LNP1: variants seen among roughly 807,000 people sequenced by gnomAD.
The protein encoded by LNP1 is leukemia NUP98 fusion partner 1.
In LNP1, 12 loss-of-function variants were observed where a neutral mutation model predicts 14.5. That is an observed-to-expected ratio of 0.83 (90% CI 0.53 to 1.34). The LOEUF is 1.34. LNP1 is among the 40% of genes most tolerant of loss of function. The pLI, the probability that LNP1 is intolerant of heterozygous loss-of-function variation, is 0.00. For missense variants in LNP1, 198 were observed against 210.9 expected (o/e 0.94, Z 0.38); for synonymous variants, 75 against 71.4 (o/e 1.05, Z -0.26).
rs1707503664 is a variant in LNP1 at position 100,455,709 on chromosome 3, T to C, written c.388-68T>C. 4 of 1,457,990 alleles carry C rather than the reference T, an allele frequency of 2.7e-6. No homozygotes were observed. The Admixed American group carries it at 7.3e-5, about 27-fold the overall frequency. 90.3% of individuals were successfully genotyped at this position (1,457,990 alleles called of 1,614,324 possible). A position where few individuals can be genotyped will look rare whatever the true frequency, so the allele number is the denominator to read the frequency against. ...TCAGGGCTTTCTCCATGTCTGATTATTAAGAGAAATGTGGAGTGTTGTCAG... is the reference window on the plus strand; with the variant it reads ...TCAGGGCTTTCTCCATGTCTGATTACTAAGAGAAATGTGGAGTGTTGTCAG... On this transcript the variant is annotated intron_variant, in intron 3 of 3. Coordinates refer to ENST00000383693, the MANE Select transcript of LNP1 (RefSeq NM_001085451.2).
At chr3:100,446,585 C>T (rs1559846449) in intron 2 of LNP1, among the ~76,000 whole-genome samples, 1 of 152,062 alleles carries the variant, frequency 6.6e-6, no homozygotes, top group Non-Finnish European at 1.5e-5. Context: ...GCAACAAAAG[C>T]CAAAATAGAC....
At chr3:100,422,486 G>T (rs149912046) in intron 1 of LNP1, among the ~76,000 whole-genome samples, 1 of 152,106 alleles carries the variant, frequency 6.6e-6, no homozygotes, top group Non-Finnish European at 1.5e-5. Context: ...GTAGTAGCTC[G>T]TCTGTTTTAG....
chr3:100,429,431 G>C (rs1230692462), intron 1 of LNP1, among the ~76,000 whole-genome samples: 1 of 152,188 alleles, frequency 6.6e-6, no homozygotes, highest in East Asian at 1.9e-4. Context: ...CCCTTAGGCT[G>C]TGAGGCACAA....
chr3:100,406,742 C>T (rs756798819), intron 1 of LNP1, among the ~76,000 whole-genome samples: 2 of 152,028 alleles, frequency 1.3e-5, no homozygotes, highest in Admixed American at 6.5e-5. Flanking sequence ...GCCATGTTGG[C>T]CAGGCTGGTC....
chr3:100,414,706 A>T (rs556954892), intron 1 of LNP1, among the ~76,000 whole-genome samples: 3 of 152,324 alleles, frequency 2.0e-5, no homozygotes, highest in African/African-American at 7.2e-5. Context: ...CATAGCAAGG[A>T]ACTCTAGGAG....
chr3:100,422,184 T>C (rs76933671), intron 1 of LNP1, among the ~76,000 whole-genome samples: 1 of 12,806 alleles, frequency 7.8e-5, no homozygotes, highest in South Asian at 2.2e-3. Context: ...GATAAAGTCT[T>C]TTTTTTTTTT....
At chr3:100,441,140 A>T (rs1457816152) in intron 2 of LNP1, among the ~76,000 whole-genome samples, 1 of 152,186 alleles carries the variant, frequency 6.6e-6, no homozygotes, top group Non-Finnish European at 1.5e-5. Context: ...GAAGTGAGCA[A>T]ATGTCTAAAT....
chr3:100,428,092 A>G (rs1446287148), intron 1 of LNP1, among the ~76,000 whole-genome samples: 2 of 152,132 alleles, frequency 1.3e-5, no homozygotes, highest in East Asian at 1.9e-4. Flanking sequence ...AAGAGCCTGG[A>G]CTTTGTTTTT....
At chr3:100,407,779 C>T (rs1706984039) in intron 1 of LNP1, among the ~76,000 whole-genome samples, 1 of 151,960 alleles carries the variant, frequency 6.6e-6, no homozygotes, top group African/African-American at 2.4e-5. Flanking sequence ...TTCTTTATTC[C>T]TTTCCACTCT....
intron 1 of LNP1, among the ~76,000 whole-genome samples, 156 bp from the exon 2 acceptor site, chr3:100,429,541 C>G (rs529500239): frequency 6.6e-6 from 1 of 152,266 alleles, no homozygotes; most frequent in Admixed American, 6.5e-5. Flanking sequence ...CCCAAGGCTG[C>G]CTGATGATGA....
rs1460705177 is a variant in LNP1 at position 100,456,309 on chromosome 3, CAT to C, written c.*384_*385del. 6.6e-6 allele frequency: 1 copy of C among 151,996 alleles called. No homozygotes were observed. The highest frequency in any genetic ancestry group is 1.4e-5 in the Non-Finnish European group (1 of 71,334). The allele number at this position is 151,996 out of a possible 1,614,324, so 9.4% of individuals were successfully genotyped here. On this transcript the variant is annotated 3_prime_UTR_variant, in exon 4 of 4. Transcript: ENST00000383693. Reference sequence around the variant, plus strand: ...CTCATAAATCATCTTAAATAAAAGTCATTGGTATGACTCTTGAGTTTACTTTC... The same window carrying C: ...CTCATAAATCATCTTAAATAAAAGTCTGGTATGACTCTTGAGTTTACTTTC...
intron 2 of LNP1, among the ~76,000 whole-genome samples, chr3:100,432,304 C>T (rs988830580): frequency 2.0e-5 from 3 of 151,746 alleles, no homozygotes; most frequent in African/African-American, 7.3e-5. Context: ...CCCACTTCTC[C>T]TTGAATGTAG....
intron 1 of LNP1, among the ~76,000 whole-genome samples, chr3:100,411,810 C>T (rs1039301867): frequency 6.6e-6 from 1 of 152,140 alleles, no homozygotes; most frequent in Non-Finnish European, 1.5e-5. Context: ...CCCAAATTAC[C>T]TCCCCAAAGT....
intron 1 of LNP1, among the ~76,000 whole-genome samples, chr3:100,403,066 C>T (rs560923296): frequency 1.4e-4 from 22 of 152,298 alleles, no homozygotes; most frequent in Admixed American, 6.5e-4. Context: ...CCTCCATTTC[C>T]TAATTGATGG....
chr3:100,447,514 G>A (rs1024612744), intron 2 of LNP1, among the ~76,000 whole-genome samples: 6 of 151,580 alleles, frequency 4.0e-5, no homozygotes, highest in African/African-American at 1.2e-4. Context: ...TGAGTTGATG[G>A]GTGCAGCAAA....
intron 1 of LNP1, among the ~76,000 whole-genome samples, chr3:100,409,563 C>T (rs1196953348): frequency 7.4e-4 from 77 of 104,590 alleles, no homozygotes; most frequent in African/African-American, 4.1e-3. Flanking sequence ...TACATACACA[C>T]ACACACACAC....
At chr3:100,454,564 G>A (rs1707490921) in intron 3 of LNP1, among the ~76,000 whole-genome samples, 1 of 152,152 alleles carries the variant, frequency 6.6e-6, no homozygotes, top group Admixed American at 6.5e-5. Context: ...TCCTGATCAT[G>A]ACCAACAATG....
At chr3:100,431,828 C>CAAA (rs761853159) in intron 2 of LNP1, among the ~76,000 whole-genome samples, 4 of 65,310 alleles carry the variant, frequency 6.1e-5, no homozygotes, top group African/African-American at 1.1e-4. Flanking sequence ...CTCCGTCTCT[C>CAAA]AAAAAAAAAA....
chr3:100,428,202 A>G (rs1576230765), intron 1 of LNP1, among the ~76,000 whole-genome samples: 1 of 152,200 alleles, frequency 6.6e-6, no homozygotes, highest in Non-Finnish European at 1.5e-5. Context: ...GTAAAATGTC[A>G]TACAAATCTC....
Sources: allele counts gnomAD v4.1 joint callset (sites outside exome capture counted in the v4.1 genomes callset), GRCh38; gene constraint gnomAD v4.1.1; transcripts MANE v1.5; gene names NCBI Gene and HGNC (gene_info 2026-07-23, HGNC 2026-07-21).